PITPNM3: variants seen among roughly 807,000 people sequenced by gnomAD.
PITPNM3 encodes membrane-associated phosphatidylinositol transfer protein 3.
In PITPNM3, 26 loss-of-function variants were observed where a neutral mutation model predicts 102.0. The ratio of observed to expected loss-of-function variants is 0.25; its 90% CI spans 0.19 to 0.35. The LOEUF (loss-of-function observed/expected upper bound fraction) is 0.35. PITPNM3 is among the 10% of genes least tolerant of loss of function. PITPNM3 has a pLI of 1.00. For synonymous variants in PITPNM3, 578 were observed against 558.6 expected, an observed-to-expected ratio of 1.03 and a Z score of -0.49; for missense variants, 1,083 against 1,346.1, an observed-to-expected ratio of 0.80 and a Z score of 3.06.
At chr17:6,512,241 T>C (rs1407789044) in intron 3 of PITPNM3, among the ~76,000 whole-genome samples, 1 of 152,112 alleles carries the variant, frequency 6.6e-6, no homozygotes, top group East Asian at 1.9e-4. Flanking sequence ...TTTTCTACCT[T>C]CTCCAATAAT....
At chr17:6,509,728 T>TA (rs1402455531) in intron 3 of PITPNM3, among the ~76,000 whole-genome samples, 1 of 152,150 alleles carries the variant, frequency 6.6e-6, no homozygotes, top group African/African-American at 2.4e-5. Context: ...TCACGCTCAT[T>TA]ACCCTTCACC....
At position 6,468,291 on chromosome 17, in the gene PITPNM3, A is replaced by G. The variant is rs2150721950; in HGVS notation, c.1824T>C (p.Pro608=). ...VNIKESARLD[P]AALSPANPRE... ...GGGGGTTGGCAGGACTCAGTGCTGC[A>G]GGGTCCAGGCGGGCGCTTTCCTTGA... Residue 608 remains proline (P), a synonymous_variant, in exon 14 of 20, where the codon CCT becomes CCC. Transcript: ENST00000262483. This position sits in a 1 kb window ranked among gnomAD's most constrained non-coding sequence, Gnocchi z 5.2. The G allele has an allele frequency of 6.2e-7, 1 of 1,614,006 alleles. No homozygotes were observed. The highest frequency in any genetic ancestry group is 8.5e-7 in the Non-Finnish European group (1 of 1,180,018).
chr17:6,521,937 A>G (rs1247997918), intron 3 of PITPNM3, among the ~76,000 whole-genome samples: 1 of 152,190 alleles, frequency 6.6e-6, no homozygotes, highest in African/African-American at 2.4e-5. Flanking sequence ...GGAACTTACA[A>G]AAAGAACCTT....
At chr17:6,484,448 C>A (rs1442714468) in intron 4 of PITPNM3, among the ~76,000 whole-genome samples, 156 bp from the exon 5 acceptor site, 8 of 152,198 alleles carry the variant, frequency 5.3e-5, no homozygotes, top group Non-Finnish European at 1.2e-4. Flanking sequence ...CCCATCCAGG[C>A]CCTGCCTCTG....
At chr17:6,483,785 G>A (rs1301597063) in intron 5 of PITPNM3, 33 bp from the exon 6 acceptor site, 1 of 1,597,774 alleles carries the variant, frequency 6.3e-7, no homozygotes, top group East Asian at 2.2e-5. Context: ...TACAGAGAGA[G>A]AGGCGGCTGG....
chr17:6,498,603 GGA>G (rs1445513409), intron 4 of PITPNM3, among the ~76,000 whole-genome samples: 1 of 152,226 alleles, frequency 6.6e-6, no homozygotes, highest in Non-Finnish European at 1.5e-5. Context: ...CAATGGTCCA[GGA>G]GAGAGAAGAT....
At chr17:6,519,340 T>G (rs1385833457) in intron 3 of PITPNM3, among the ~76,000 whole-genome samples, 1 of 4,670 alleles carries the variant, frequency 2.1e-4, no homozygotes, top group Non-Finnish European at 3.5e-4. Flanking sequence ...CGAGACTCCG[T>G]CTCAAAAAAA....
chr17:6,475,682 C>A (rs1385148080), intron 9 of PITPNM3, among the ~76,000 whole-genome samples: 1 of 152,138 alleles, frequency 6.6e-6, no homozygotes, highest in Non-Finnish European at 1.5e-5. Flanking sequence ...GCCAAAGAAA[C>A]CACCATCTGT....
rs549748527 is a variant in PITPNM3 at position 6,546,994 on chromosome 17, A to G, written c.23-8912T>C. ...TGCACTCCAGCCTGGGTGACAGAGC[A>G]AGACTCCGTCTCAAAAAAAAAAAAG... On this transcript the variant is annotated intron_variant, in intron 1 of 19. Transcript: ENST00000262483. 2.1e-3 allele frequency among the ~76,000 whole-genome samples: 314 copies of G among 152,018 alleles called. 1 individual carries two copies. The highest frequency in any genetic ancestry group is 0.014 in the Middle Eastern group (4 of 292).
intron 1 of PITPNM3, among the ~76,000 whole-genome samples, chr17:6,543,626 C>G (rs1239419337): frequency 6.6e-6 from 1 of 152,234 alleles, no homozygotes. Flanking sequence ...CAGAGCTGAA[C>G]TGGAACAGTC....
At chr17:6,549,903 C>T (rs1409345544) in intron 1 of PITPNM3, among the ~76,000 whole-genome samples, 1 of 152,210 alleles carries the variant, frequency 6.6e-6, no homozygotes, top group Non-Finnish European at 1.5e-5. Flanking sequence ...TCCACGTCCA[C>T]GTCCTCAGCT....
rs968597158 is a variant in PITPNM3, at chr17:6,452,863, C to T, written c.*2475G>A. ...AGGGGTGGTGGCCCTCCTGCTGGGTCCTGTGTCCCAGCTCTGACCCCAGAG... is the reference window on the plus strand; with the variant it reads ...AGGGGTGGTGGCCCTCCTGCTGGGTTCTGTGTCCCAGCTCTGACCCCAGAG... On this transcript the variant is annotated 3_prime_UTR_variant, in exon 20 of 20. Coordinates refer to ENST00000262483, the MANE Select transcript of PITPNM3 (RefSeq NM_031220.4). 6.6e-6 allele frequency: 1 copy of T among 152,116 alleles called. No homozygotes were observed. The highest frequency in any genetic ancestry group is 1.5e-5 in the Non-Finnish European group (1 of 68,042). 9.4% of individuals were successfully genotyped at this position (152,116 alleles called of 1,614,324 possible). A position where few individuals can be genotyped will look rare whatever the true frequency, so the allele number is the denominator to read the frequency against.
intron 18 of PITPNM3, chr17:6,460,485 G>A (rs1904387469): frequency 6.6e-6 from 1 of 152,260 alleles, no homozygotes; most frequent in Admixed American, 6.5e-5. Context: ...AATATATCAG[G>A]CTTCGCACTG....
chr17:6,487,756 G>A (rs913385019), intron 4 of PITPNM3, among the ~76,000 whole-genome samples: 1 of 152,098 alleles, frequency 6.6e-6, no homozygotes, highest in Non-Finnish European at 1.5e-5. Flanking sequence ...CAGCTCCCTC[G>A]CGACCCATGT....
intron 3 of PITPNM3, among the ~76,000 whole-genome samples, chr17:6,512,915 A>C (rs1211715750): frequency 1.3e-5 from 2 of 152,220 alleles, no homozygotes; most frequent in African/African-American, 4.8e-5. Context: ...AACCCCAAGC[A>C]TAAAAGAATA....
intron 1 of PITPNM3, among the ~76,000 whole-genome samples, chr17:6,553,022 G>A (rs950642452): frequency 6.6e-6 from 1 of 150,806 alleles, no homozygotes; most frequent in Non-Finnish European, 1.5e-5. Flanking sequence ...TGCCCGCCTC[G>A]GCGTCCCAAA....
intron 1 of PITPNM3, among the ~76,000 whole-genome samples, chr17:6,550,544 G>A (rs1910249675): frequency 6.6e-6 from 1 of 152,206 alleles, no homozygotes; most frequent in African/African-American, 2.4e-5. Flanking sequence ...GGGAAAGGAT[G>A]CCGGATCTCA....
At chr17:6,539,043 C>G (rs1489435311) in intron 1 of PITPNM3, among the ~76,000 whole-genome samples, 2 of 152,226 alleles carry the variant, frequency 1.3e-5, no homozygotes, top group Non-Finnish European at 2.9e-5. Context: ...GCCTGTCGTT[C>G]CTGCCTGGCC....
chr17:6,545,392 C>T (rs1909968455), intron 1 of PITPNM3, among the ~76,000 whole-genome samples: 1 of 152,128 alleles, frequency 6.6e-6, no homozygotes, highest in South Asian at 2.1e-4. Flanking sequence ...GGAATGGGAG[C>T]CTCGCCACTC....
Sources: allele counts gnomAD v4.1 joint callset (sites outside exome capture counted in the v4.1 genomes callset), GRCh38; gene constraint gnomAD v4.1.1; non-coding constraint Gnocchi (gnomAD v3.1); transcripts MANE v1.5; gene names NCBI Gene and HGNC (gene_info 2026-07-23, HGNC 2026-07-21).